Variants in SRPX observed in about 807,000 individuals in gnomAD.
SRPX encodes sushi repeat-containing protein SRPX.
SRPX carries 24 observed loss-of-function variants against 38.1 expected under a neutral mutation model. That is an observed-to-expected ratio of 0.63 (90% CI 0.46 to 0.89). The LOEUF (loss-of-function observed/expected upper bound fraction) is 0.89. Among genes scored for constraint, SRPX ranks in the 40% least tolerant of loss-of-function variants. The pLI is 0.00. For missense variants in SRPX, 416 were observed against 377.8 expected, an observed-to-expected ratio of 1.10 and a Z score of -0.84; for synonymous variants, 184 against 153.8, an observed-to-expected ratio of 1.20 and a Z score of -1.45.
chrX:38,211,511 C>A (rs1486612705), intron 1 of SRPX, among the ~76,000 whole-genome samples: 1 of 111,354 alleles, frequency 9.0e-6, no homozygotes, highest in Non-Finnish European at 1.9e-5. Flanking sequence ...ACCAGCCTGG[C>A]CAACATGGTG....
At chrX:38,151,722 C>T (rs1353407603) in intron 9 of SRPX, among the ~76,000 whole-genome samples, 1 of 111,428 alleles carries the variant, frequency 9.0e-6, no homozygotes, top group Non-Finnish European at 1.9e-5. Flanking sequence ...TCAAACACCA[C>T]ACAAAATCGG....
At chrX:38,153,038 A>T (rs903045075) in intron 9 of SRPX, among the ~76,000 whole-genome samples, 2 of 112,139 alleles carry the variant, frequency 1.8e-5, no homozygotes, top group Admixed American at 9.5e-5. Flanking sequence ...GGCTGTTTCA[A>T]TGAAATTTTG....
rs376111986 is a variant in SRPX, at chrX:38,220,716, G to A, written c.77C>T (p.Pro26Leu). 5 of 1,168,131 alleles carry A rather than the reference G, an allele frequency of 4.3e-6. No homozygotes were observed. The highest frequency in any genetic ancestry group is 3.8e-5 in the South Asian group (2 of 53,160). The change falls in exon 1 of 10, where the codon CCG becomes CTG. Residue 26 changes from proline (P) to leucine (L), a missense_variant. Coordinates refer to ENST00000378533, the MANE Select transcript of SRPX (RefSeq NM_006307.5). The stretch of plus-strand genomic sequence containing the variant: ...CCTACCTGGGAAGCTGCGGCTGGGC[G>A]GGACGCGCAGCAGCAGCAGCAGCAG... ...PLLLLLLLRV[P>L]PSRSFPGSGD...
rs1430559151 is a variant in SRPX at position 38,160,028 on chromosome X, G to A, written c.944C>T (p.Pro315Leu). ...GGCGGCATACCTACCTGCACAGGTG[G>A]GCTCCGTGCCAGACCAAGCCAGGTT... ...QSNLAWSGTE[P>L]TCAAMNVNVG... The change falls in exon 7 of 10, where the codon CCC (proline) becomes CTC (leucine). Residue 315 changes from proline to leucine, a missense_variant. Coordinates refer to ENST00000378533, the MANE Select transcript of SRPX (RefSeq NM_006307.5). 5.0e-6 allele frequency: 6 copies of A among 1,210,395 alleles called. No homozygotes were observed. In the East Asian group the frequency reaches 8.9e-5, roughly 18 times the overall value.
At chrX:38,185,759 A>T (rs1938764946) in intron 1 of SRPX, among the ~76,000 whole-genome samples, 1 of 110,736 alleles carries the variant, frequency 9.0e-6, no homozygotes, top group Admixed American at 9.7e-5. Context: ...ATGCTGAAAT[A>T]TCACTAGCTT....
chrX:38,204,102 A>C (rs985476706), intron 1 of SRPX, among the ~76,000 whole-genome samples: 2 of 112,291 alleles, frequency 1.8e-5, no homozygotes, highest in Non-Finnish European at 1.9e-5. Context: ...TATCTAAATA[A>C]ATGGAGAGAT....
chrX:38,171,274 T>TA (rs777503633), intron 4 of SRPX, among the ~76,000 whole-genome samples: 141 of 111,138 alleles, frequency 1.3e-3, no homozygotes, highest in Non-Finnish European at 2.2e-3. Context: ...GAATGCTCAT[T>TA]AAAAAACAAA....
chrX:38,191,340 A>G (rs1938899516), intron 1 of SRPX, among the ~76,000 whole-genome samples: 1 of 112,249 alleles, frequency 8.9e-6, no homozygotes, highest in African/African-American at 3.2e-5. Flanking sequence ...TCCCTATTTC[A>G]AAACAATACT....
At position 38,157,009 on chromosome X, in the gene SRPX, C is replaced by A. The variant is rs1249271548; in HGVS notation, c.976G>T (p.Val326Phe). 3.3e-6 allele frequency: 4 copies of A among 1,211,474 alleles called. No individual in the cohort carries two copies. Among genetic ancestry groups the A allele is most frequent in the Non-Finnish European group, 4.5e-6 (4 of 895,372 alleles). ...TCCAGAAGTGCAGCTGCCGTTCTGA[C>A]ACCCACATTGACGTTCATGGCTGTA... Reference protein sequence around the residue: ...TCAAMNVNVGVRTAAALLDQF... With the variant: ...TCAAMNVNVGFRTAAALLDQF... Residue 326 changes from valine to phenylalanine, a missense_variant, in exon 8 of 10, where the codon GTC becomes TTC. By Grantham distance (50) the Val-to-Phe change is conservative. Transcript: ENST00000378533.
intron 9 of SRPX, among the ~76,000 whole-genome samples, chrX:38,151,041 C>T (rs1230322183): frequency 8.9e-6 from 1 of 111,943 alleles, no homozygotes; most frequent in Non-Finnish European, 1.9e-5. Context: ...CTCATACAAA[C>T]AGATCAAGGT....
intron 3 of SRPX, among the ~76,000 whole-genome samples, chrX:38,173,812 C>G (rs1357781412): frequency 2.7e-5 from 3 of 111,914 alleles, no homozygotes; most frequent in Non-Finnish European, 5.6e-5. Context: ...TTGTACTTAT[C>G]TCCCAGTTGA....
rs1341543594 is a variant in SRPX at position 38,220,763 on chromosome X, C to T, written c.30G>A (p.Leu10=). Residue 10 remains leucine, a synonymous_variant, in exon 1 of 10, where the codon CTG becomes CTA. Transcript: ENST00000378533. The part of the protein sequence containing the change: MGSPAHRPA[L]LLLLPPLLLL... Reference sequence around the variant, plus strand: ...GCAGCAGAGGCGGCAGCAGCAGCAGCAGCGCGGGCCGATGTGCGGGGCTCC... The same window carrying T: ...GCAGCAGAGGCGGCAGCAGCAGCAGTAGCGCGGGCCGATGTGCGGGGCTCC... 8.8e-7 allele frequency: 1 copy of T among 1,138,152 alleles called. No homozygotes were observed. The highest frequency in any genetic ancestry group is 1.2e-6 in the Non-Finnish European group (1 of 864,663). 93.8% of individuals were successfully genotyped at this position (1,138,152 alleles called of 1,213,427 possible).
At chrX:38,209,843 G>C (rs1939285574) in intron 1 of SRPX, among the ~76,000 whole-genome samples, 1 of 112,021 alleles carries the variant, frequency 8.9e-6, no homozygotes, top group Non-Finnish European at 1.9e-5. Context: ...CTTTAACCAA[G>C]ACACAATTGC....
intron 9 of SRPX, among the ~76,000 whole-genome samples, chrX:38,151,017 T>C (rs1446700759): frequency 8.9e-6 from 1 of 112,162 alleles, no homozygotes; most frequent in East Asian, 2.8e-4. Context: ...GGATTTAAAG[T>C]AAAATATGTT....
intron 1 of SRPX, among the ~76,000 whole-genome samples, chrX:38,209,910 C>T (rs1453926636): frequency 1.8e-5 from 2 of 111,609 alleles, no homozygotes; most frequent in Non-Finnish European, 3.8e-5. Context: ...TTTTTTTCTT[C>T]CCCACTTCCA....
chrX:38,171,243 T>C (rs1938461727), intron 4 of SRPX, among the ~76,000 whole-genome samples: 2 of 111,438 alleles, frequency 1.8e-5, no homozygotes, highest in Admixed American at 9.5e-5. Flanking sequence ...AGCTCTCTAT[T>C]TGAGTGCCTC....
intron 7 of SRPX, among the ~76,000 whole-genome samples, chrX:38,157,505 C>T (rs186342223): frequency 8.4e-4 from 94 of 111,757 alleles, no homozygotes; most frequent in Non-Finnish European, 4.0e-4. Context: ...CTCCTTCCAT[C>T]GTCTCTTTCT....
intron 2 of SRPX, 61 bp downstream of exon 2, chrX:38,178,224 C>CA: frequency 1.0e-6 from 1 of 960,209 alleles, no homozygotes; most frequent in East Asian, 3.1e-5. Flanking sequence ...TTTCACAAGG[C>CA]AAAAAGGAAA....
intron 8 of SRPX, among the ~76,000 whole-genome samples, chrX:38,155,141 A>G (rs1938110077): frequency 8.9e-6 from 1 of 111,819 alleles, no homozygotes; most frequent in Non-Finnish European, 1.9e-5. Flanking sequence ...AAAAAAAGTA[A>G]TGTAAGACAA....
Sources: allele counts gnomAD v4.1 joint callset (sites outside exome capture counted in the v4.1 genomes callset), GRCh38; gene constraint gnomAD v4.1.1; transcripts MANE v1.5; gene names NCBI Gene and HGNC (gene_info 2026-07-23, HGNC 2026-07-21).